DCAF5: variants seen among roughly 807,000 people sequenced by gnomAD.
DCAF5 encodes DDB1 and CUL4 associated factor 5, also known as DDB1- and CUL4-associated factor 5.
A neutral mutation model predicts 80.7 loss-of-function variants in DCAF5; 9 were observed. That is an observed-to-expected ratio of 0.11 (90% confidence interval 0.07 to 0.19). The LOEUF is 0.19. Ranked by LOEUF, DCAF5 falls within the 10% of genes least tolerant of loss-of-function variation. DCAF5 has a pLI of 1.00. For missense variants in DCAF5, 842 were observed against 1,205.7 expected (o/e 0.70, Z 4.47); for synonymous variants, 433 against 461.9 (o/e 0.94, Z 0.80).
At chr14:69,094,521 A>G (rs1305826730) in intron 5 of DCAF5, among the ~76,000 whole-genome samples, 1 of 152,230 alleles carries the variant, frequency 6.6e-6, no homozygotes, top group Admixed American at 6.5e-5. Flanking sequence ...AGCAGCCACC[A>G]ACACTGAAAA....
chr14:69,126,855 T>C (rs1318200258), intron 1 of DCAF5, among the ~76,000 whole-genome samples: 1 of 152,198 alleles, frequency 6.6e-6, no homozygotes, highest in Non-Finnish European at 1.5e-5. Flanking sequence ...AATATCCACA[T>C]GCATAAAAAT....
chr14:69,117,231 TC>T (rs1414091027), intron 4 of DCAF5, among the ~76,000 whole-genome samples: 1 of 152,164 alleles, frequency 6.6e-6, no homozygotes, highest in Admixed American at 6.6e-5. Context: ...ATCTCTGCCA[TC>T]AGGCAGTTCA....
intron 5 of DCAF5, among the ~76,000 whole-genome samples, chr14:69,110,631 T>A (rs1049241544): frequency 6.6e-6 from 1 of 151,902 alleles, no homozygotes; most frequent in African/African-American, 2.4e-5. Context: ...ATCCTAGCAC[T>A]TCGGTAGGAT....
intron 6 of DCAF5, 64 bp downstream of exon 6, chr14:69,091,610 G>C: frequency 7.0e-7 from 1 of 1,424,290 alleles, no homozygotes; most frequent in Non-Finnish European, 9.8e-7. Context: ...ATAAAGACCA[G>C]TATAGAAAGA....
chr14:69,097,238 G>A (rs2039752654), intron 5 of DCAF5, among the ~76,000 whole-genome samples: 2 of 152,072 alleles, frequency 1.3e-5, no homozygotes, highest in South Asian at 2.1e-4. Flanking sequence ...GAAAGGTCAA[G>A]GAAAGAATCC....
At chr14:69,145,522 A>T (rs887169700) in intron 1 of DCAF5, among the ~76,000 whole-genome samples, 78 of 152,284 alleles carry the variant, frequency 5.1e-4, no homozygotes, top group African/African-American at 1.9e-3. Flanking sequence ...ATAAAAAAAA[A>T]AATTTTAATT....
At chr14:69,126,961 T>C (rs1283005102) in intron 1 of DCAF5, among the ~76,000 whole-genome samples, 1 of 152,192 alleles carries the variant, frequency 6.6e-6, no homozygotes, top group Non-Finnish European at 1.5e-5. Flanking sequence ...TCCTAGAAGA[T>C]AGTAGGAGAA....
chr14:69,094,001 C>T (rs957009030), intron 5 of DCAF5, among the ~76,000 whole-genome samples: 4 of 152,214 alleles, frequency 2.6e-5, no homozygotes, highest in African/African-American at 7.2e-5. Context: ...GCTGTGGCTG[C>T]GACAGGCATG....
chr14:69,106,244 C>G (rs1337993873), intron 5 of DCAF5, among the ~76,000 whole-genome samples: 1 of 151,704 alleles, frequency 6.6e-6, no homozygotes, highest in East Asian at 2.0e-4. Flanking sequence ...TTAATAGAGA[C>G]AGGGTTTCAC....
At chr14:69,121,735 C>T (rs532645950) in intron 2 of DCAF5, among the ~76,000 whole-genome samples, 9 of 152,230 alleles carry the variant, frequency 5.9e-5, no homozygotes, top group Admixed American at 2.0e-4. Context: ...GAAGCCATCA[C>T]CAAGAGGTTG....
chr14:69,093,288 T>G (rs541565772), intron 5 of DCAF5, among the ~76,000 whole-genome samples: 3 of 152,334 alleles, frequency 2.0e-5, no homozygotes, highest in Non-Finnish European at 4.4e-5. Flanking sequence ...CAGAACTCAC[T>G]CTGTCTCATG....
intron 1 of DCAF5, among the ~76,000 whole-genome samples, chr14:69,131,305 G>A (rs1353214252): frequency 1.3e-5 from 2 of 151,834 alleles, no homozygotes; most frequent in East Asian, 3.9e-4. Flanking sequence ...ATTCAGCCTG[G>A]CTTTCTTCTC....
Position 69,151,120 on chromosome 14 carries a change from G to A in DCAF5, c.214+1645C>T, listed in dbSNP as rs76128674. On this transcript the variant is annotated intron_variant, in intron 1 of 8. Transcript: ENST00000341516. Reference sequence around the variant, plus strand: ...AACTGGGAGCTAGGTCTATAAAGAAGAGGTCTTCCCCCATTTTTGCTCTTC... The same window carrying A: ...AACTGGGAGCTAGGTCTATAAAGAAAAGGTCTTCCCCCATTTTTGCTCTTC... Among the ~76,000 whole-genome samples the A allele has an allele frequency of 6.6e-4, 100 of 152,270 alleles. 1 individual carries two copies. The East Asian group carries it at 0.018, about 27-fold the overall frequency.
At chr14:69,145,791 T>C (rs1265313283) in intron 1 of DCAF5, among the ~76,000 whole-genome samples, 1 of 152,196 alleles carries the variant, frequency 6.6e-6, no homozygotes, top group Non-Finnish European at 1.5e-5. Context: ...ATTCCACCCT[T>C]GAGTATCTAA....
chr14:69,084,974 A>T (rs1380675611), intron 6 of DCAF5: 2 of 1,419,166 alleles, frequency 1.4e-6, no homozygotes, highest in Non-Finnish European at 2.0e-6. Context: ...TTTTGCACCC[A>T]GAAGAATTGG....
chr14:69,108,291 G>C (rs2040233752), intron 5 of DCAF5, among the ~76,000 whole-genome samples: 1 of 152,198 alleles, frequency 6.6e-6, no homozygotes, highest in Non-Finnish European at 1.5e-5. Context: ...GATCTAGCAA[G>C]GAAGTTTTCC....
chr14:69,101,350 T>C (rs979045628), intron 5 of DCAF5, among the ~76,000 whole-genome samples: 1 of 152,242 alleles, frequency 6.6e-6, no homozygotes, highest in African/African-American at 2.4e-5. Context: ...ATTTATTGAA[T>C]ACCTGCTGAC....
chr14:69,063,279 G>A (rs1444851964), intron 7 of DCAF5, among the ~76,000 whole-genome samples: 1 of 152,172 alleles, frequency 6.6e-6, no homozygotes, highest in African/African-American at 2.4e-5. Context: ...CAGAGGCCTG[G>A]AACTTGTAAC....
chr14:69,058,384 T>C (rs892583645), intron 8 of DCAF5, among the ~76,000 whole-genome samples: 4 of 151,894 alleles, frequency 2.6e-5, no homozygotes, highest in Admixed American at 1.3e-4. Flanking sequence ...CTGGGCGTGG[T>C]GACAGGTGCC....
Sources: gnomAD v4.1 joint callset for allele counts (sites outside exome capture counted in the v4.1 genomes callset) on GRCh38, gnomAD v4.1.1 for gene constraint, MANE v1.5 for transcripts, NCBI Gene and HGNC (gene_info 2026-07-23, HGNC 2026-07-21) for gene names.